PRNP: variants seen among roughly 807,000 people sequenced by gnomAD.
PRNP encodes the protein major prion protein.
In PRNP, 15 loss-of-function variants were observed where a neutral mutation model predicts 21.3. The ratio of observed to expected loss-of-function variants is 0.71; its 90% CI spans 0.47 to 1.09. The LOEUF is 1.09. PRNP is among the 50% of genes least tolerant of loss of function. The pLI, the probability that PRNP is intolerant of heterozygous loss-of-function variation, is 0.00. For missense variants in PRNP, 285 were observed against 340.9 expected (o/e 0.84, Z 1.29); for synonymous variants, 121 against 123.1 (o/e 0.98, Z 0.11).
chr20:4,690,788 A>G (rs1360933625), intron 1 of PRNP, among the ~76,000 whole-genome samples: 1 of 152,226 alleles, frequency 6.6e-6, no homozygotes, highest in Non-Finnish European at 1.5e-5. Flanking sequence ...CACTAGTTCT[A>G]TTCAACATAT....
At position 4,701,537 on chromosome 20, in the gene PRNP, A is replaced by T. The variant is rs182536331; in HGVS notation, c.*1555A>T. 16 of 167,216 alleles carry T rather than the reference A, an allele frequency of 9.6e-5. No individual in the cohort carries two copies. The allele number at this position is 167,216 out of a possible 1,614,324, so 10.4% of individuals were successfully genotyped here. On this transcript the variant is annotated 3_prime_UTR_variant, in exon 2 of 2. Transcript: ENST00000379440. The surrounding 1 kb of genome is among the most constrained non-coding windows in gnomAD (Gnocchi z 4.2). ...TGTTCTTGTTTTGTTATATAAAAAA[A>T]TTGTAAATGTTTAATATCTGACTGA...
Position 4,697,906 on chromosome 20 carries a change from T to C in PRNP, c.-10-1305T>C, listed in dbSNP as rs1922267985. Among the ~76,000 whole-genome samples the C allele has an allele frequency of 6.6e-6, 1 of 152,210 alleles. No individual in the cohort carries two copies. Among genetic ancestry groups the C allele is most frequent in the Non-Finnish European group, 1.5e-5 (1 of 68,036 alleles). ...TCAAGGTAGAGCTACTGAGATTTGCTGATAGATCCAATGTATGCTGGGAGA... is the reference window on the plus strand; with the variant it reads ...TCAAGGTAGAGCTACTGAGATTTGCCGATAGATCCAATGTATGCTGGGAGA... On this transcript the variant is annotated intron_variant, in intron 1 of 1. Coordinates refer to ENST00000379440, the MANE Select transcript of PRNP (RefSeq NM_000311.5). The surrounding 1 kb of genome is among the most constrained non-coding windows in gnomAD (Gnocchi z 4.6).
In PRNP at chr20:4,699,487, G is replaced by A; in HGVS notation, c.267G>A (p.Trp89Ter). ...GGGGACAGCCTCATGGTGGTGGCTGGGGTCAAGGAGGTGGCACCCACAGTC... is the reference window on the plus strand; with the variant it reads ...GGGGACAGCCTCATGGTGGTGGCTGAGGTCAAGGAGGTGGCACCCACAGTC... ...GGWGQPHGGG[W>*]GQGGGTHSQW... The change falls in exon 2 of 2, where the codon TGG (tryptophan) becomes TGA (stop). Residue 89 changes from tryptophan (W) to a stop codon, truncating the protein, a stop_gained. Coordinates refer to ENST00000379440, the MANE Select transcript of PRNP (RefSeq NM_000311.5). LOFTEE classifies it high-confidence loss of function. This position sits in a 1 kb window ranked among gnomAD's most constrained non-coding sequence, Gnocchi z 5.8. 1 of 1,612,094 alleles carries A rather than the reference G, an allele frequency of 6.2e-7. No homozygotes were observed.
chr20:4,700,014 A>G lies in PRNP; in HGVS notation c.*32A>G. The G allele has an allele frequency of 6.4e-7, 1 of 1,573,374 alleles. No individual in the cohort carries two copies. Among genetic ancestry groups the G allele is most frequent in the Middle Eastern group, 1.7e-4 (1 of 6,024 alleles). Reference sequence around the variant, plus strand: ...TCTTCCTGTTTTCACCATCTTTCTAATCTTTTTCCAGCTTGAGGGAGGCGG... The same window carrying G: ...TCTTCCTGTTTTCACCATCTTTCTAGTCTTTTTCCAGCTTGAGGGAGGCGG... On this transcript the variant is annotated 3_prime_UTR_variant, in exon 2 of 2. Transcript: ENST00000379440. This position sits in a 1 kb window ranked among gnomAD's most constrained non-coding sequence, Gnocchi z 4.1.
chr20:4,694,847 G>A (rs923373116), intron 1 of PRNP, among the ~76,000 whole-genome samples: 3 of 151,844 alleles, frequency 2.0e-5, no homozygotes, highest in Non-Finnish European at 2.9e-5. Context: ...CCTGATAAGC[G>A]TTAAGTGTTA....
At chr20:4,690,607 C>T (rs1601010990) in intron 1 of PRNP, among the ~76,000 whole-genome samples, 1 of 152,314 alleles carries the variant, frequency 6.6e-6, no homozygotes, top group Non-Finnish European at 1.5e-5. Context: ...AAATTTTCTT[C>T]AGTCTTTTAA....
intron 1 of PRNP, among the ~76,000 whole-genome samples, chr20:4,695,882 C>T (rs1466833054): frequency 6.6e-6 from 1 of 152,158 alleles, no homozygotes; most frequent in Non-Finnish European, 1.5e-5. Context: ...TTTCTTGTTT[C>T]CCAGAAGCAT....
intron 1 of PRNP, among the ~76,000 whole-genome samples, chr20:4,687,826 C>T (rs1327893586): frequency 2.0e-5 from 3 of 152,096 alleles, no homozygotes; most frequent in Non-Finnish European, 4.4e-5. Context: ...GGGAAAACTC[C>T]TGGTAGAATA....
At position 4,699,095 on chromosome 20, in the gene PRNP, A is replaced by G; in HGVS notation, c.-10-116A>G. 1 of 1,270,096 alleles carries G rather than the reference A, an allele frequency of 7.9e-7. No homozygotes were observed. 78.7% of individuals were successfully genotyped at this position (1,270,096 alleles called of 1,614,324 possible). ...TGCTTCAGAGAAGTACAGGGTGGCAACAGTGTTTCTACTGAGCAGCTGATA... is the reference window on the plus strand; with the variant it reads ...TGCTTCAGAGAAGTACAGGGTGGCAGCAGTGTTTCTACTGAGCAGCTGATA... On this transcript the variant is annotated intron_variant, in intron 1 of 1. Coordinates refer to ENST00000379440, the MANE Select transcript of PRNP (RefSeq NM_000311.5). The surrounding 1 kb of genome is among the most constrained non-coding windows in gnomAD (Gnocchi z 5.8).
chr20:4,695,279 C>T (rs1922096758), intron 1 of PRNP, among the ~76,000 whole-genome samples: 1 of 151,948 alleles, frequency 6.6e-6, no homozygotes, highest in Admixed American at 6.6e-5. Flanking sequence ...TTTCCTGATC[C>T]TCTCCCTCCC....
At chr20:4,689,982 C>A (rs1921718816) in intron 1 of PRNP, among the ~76,000 whole-genome samples, 2 of 152,162 alleles carry the variant, frequency 1.3e-5, no homozygotes, top group African/African-American at 4.8e-5. Flanking sequence ...ATTCCCAAAT[C>A]CCATCGCTAG....
Position 4,686,797 on chromosome 20 carries a change from G to C in PRNP, c.-11+285G>C, listed in dbSNP as rs1921469229. The C allele has an allele frequency of 6.6e-6, 1 of 151,846 alleles. No homozygotes were observed. The highest frequency in any genetic ancestry group is 1.5e-5 in the Non-Finnish European group (1 of 67,978). 9.4% of individuals were successfully genotyped at this position (151,846 alleles called of 1,614,324 possible). A position where few individuals can be genotyped will look rare whatever the true frequency, so the allele number is the denominator to read the frequency against. On this transcript the variant is annotated intron_variant, in intron 1 of 1. Coordinates refer to ENST00000379440, the MANE Select transcript of PRNP (RefSeq NM_000311.5). This position sits in a 1 kb window ranked among gnomAD's most constrained non-coding sequence, Gnocchi z 6.7. ...TGGGGGAGCTGGCGGAGCCCCGTTA[G>C]GGAGGTCGGTGGCGCCGGGGTGTCT...
Position 4,697,917 on chromosome 20 carries a change from A to G in PRNP, c.-10-1294A>G, listed in dbSNP as rs1362141733. On this transcript the variant is annotated intron_variant, in intron 1 of 1. Coordinates refer to ENST00000379440, the MANE Select transcript of PRNP (RefSeq NM_000311.5). The surrounding 1 kb of genome is among the most constrained non-coding windows in gnomAD (Gnocchi z 4.6). ...CTACTGAGATTTGCTGATAGATCCA[A>G]TGTATGCTGGGAGAGAAAATTCAGT... is the stretch of plus-strand genomic sequence containing the variant. Among the ~76,000 whole-genome samples, 1 of 152,218 alleles carries G rather than the reference A, an allele frequency of 6.6e-6. No homozygotes were observed. Among genetic ancestry groups the G allele is most frequent in the Non-Finnish European group, 1.5e-5 (1 of 68,040 alleles).
chr20:4,687,962 T>G (rs1471782653), intron 1 of PRNP, among the ~76,000 whole-genome samples: 4 of 151,732 alleles, frequency 2.6e-5, no homozygotes, highest in African/African-American at 9.7e-5. Context: ...AAATCACCAG[T>G]GGAAAGGAGC....
chr20:4,690,987 C>T (rs1179792584), intron 1 of PRNP, among the ~76,000 whole-genome samples: 1 of 152,068 alleles, frequency 6.6e-6, no homozygotes, highest in Admixed American at 6.6e-5. Context: ...ACAAAATTAA[C>T]ATACAAAAAT....
rs2122222873 is a variant in PRNP, at chr20:4,697,768, G to T, written c.-10-1443G>T. On this transcript the variant is annotated intron_variant, in intron 1 of 1. Transcript: ENST00000379440. This position sits in a 1 kb window ranked among gnomAD's most constrained non-coding sequence, Gnocchi z 4.6. ...GCGCTCAATGGCAGCCAGGGGAGGA[G>T]CAGGGAGGCTGGTTGGGAGGCTGTT... 6.6e-6 allele frequency among the ~76,000 whole-genome samples: 1 copy of T among 152,342 alleles called. No individual in the cohort carries two copies. The highest frequency in any genetic ancestry group is 1.9e-4 in the East Asian group (1 of 5,192).
Position 4,699,423 on chromosome 20 carries a change from CT to C in PRNP, c.204del (p.His69MetfsTer41), listed in dbSNP as rs1282604670. On this transcript the variant is annotated frameshift_variant, in exon 2 of 2. Transcript: ENST00000379440. LOFTEE classifies it high-confidence loss of function. This position sits in a 1 kb window ranked among gnomAD's most constrained non-coding sequence, Gnocchi z 5.8. ...GQPHGGGWGQ[P>X]HGGGWGQPHG... ...CCTCATGGTGGTGGCTGGGGGCAGC[CT>C]CATGGTGGTGGCTGGGGGCAGCCCC... 6.2e-6 allele frequency: 10 copies of C among 1,612,254 alleles called. No homozygotes were observed. In the African/African-American group the frequency reaches 9.4e-5, roughly 15 times the overall value.
chr20:4,694,522 T>G (rs1341712160), intron 1 of PRNP, among the ~76,000 whole-genome samples: 1 of 152,242 alleles, frequency 6.6e-6, no homozygotes, highest in Non-Finnish European at 1.5e-5. Context: ...TTTTAAAGCA[T>G]TCTCTAAGCC....
intron 1 of PRNP, among the ~76,000 whole-genome samples, chr20:4,694,627 G>T: frequency 6.6e-6 from 1 of 151,676 alleles, no homozygotes; most frequent in African/African-American, 2.4e-5. Flanking sequence ...CATTTTTGTG[G>T]GTTTTATTTA....
Sources: allele counts gnomAD v4.1 joint callset (sites outside exome capture counted in the v4.1 genomes callset), GRCh38; gene constraint gnomAD v4.1.1; non-coding constraint Gnocchi (gnomAD v3.1); transcripts MANE v1.5; gene names NCBI Gene and HGNC (gene_info 2026-07-23, HGNC 2026-07-21).